TSHB: variants seen among roughly 807,000 people sequenced by gnomAD.
The protein encoded by TSHB is thyroid stimulating hormone subunit beta.
In TSHB, 9 loss-of-function variants were observed where a neutral mutation model predicts 9.3. The observed-to-expected ratio is 0.97, with a 90% confidence interval of 0.58 to 1.69. The LOEUF is 1.69. Among genes scored for constraint, TSHB ranks in the 40% most tolerant of loss-of-function variants. The pLI is 0.00. For synonymous variants in TSHB, 57 were observed against 57.2 expected (o/e 1.00, Z 0.01); for missense variants, 182 against 168.5 (o/e 1.08, Z -0.44).
At position 115,033,378 on chromosome 1, in the gene TSHB, C is replaced by A; in HGVS notation, c.16C>A (p.Leu6Met). 1 of 1,613,372 alleles carries A rather than the reference C, an allele frequency of 6.2e-7. No homozygotes were observed. Among genetic ancestry groups the A allele is most frequent in the Non-Finnish European group, 8.5e-7 (1 of 1,179,482 alleles). The part of the protein sequence containing the change: MTALF[L>M]MSMLFGLTCG... ...TTGATTTAGCATGACTGCTCTCTTT[C>A]TGATGTCCATGCTTTTTGGCCTTAC... The change falls in exon 2 of 3, where the codon CTG (leucine) becomes ATG (methionine). Residue 6 changes from leucine to methionine, a missense_variant. Physicochemically the swap from Leu to Met is conservative, Grantham distance 15 (BLOSUM62 2). Coordinates refer to ENST00000256592, the MANE Select transcript of TSHB (RefSeq NM_000549.5).
Position 115,033,344 on chromosome 1 carries a change from A to ATTTTATCTTTGATT in TSHB, c.-1-16_-1-3dup. ...CTGATTTTAACAAATAGGTTCTTTAATTTTATCTTTGATTTAGCATGACTG... is the reference window on the plus strand; with the variant it reads ...CTGATTTTAACAAATAGGTTCTTTAATTTTATCTTTGATTTTTTATCTTTGATTTAGCATGACTG... On this transcript the variant is annotated splice_polypyrimidine_tract_variant and intron_variant, in intron 1 of 2. Transcript: ENST00000256592. 1 of 1,612,588 alleles carries ATTTTATCTTTGATT rather than the reference A, an allele frequency of 6.2e-7. No homozygotes were observed. The highest frequency in any genetic ancestry group is 8.5e-7 in the Non-Finnish European group (1 of 1,179,126).
At chr1:115,033,921 A>G (rs1466485108) in intron 2 of TSHB, 52 bp from the exon 3 acceptor site, 20 of 1,599,308 alleles carry the variant, frequency 1.3e-5, no homozygotes, top group Non-Finnish European at 1.7e-5. Flanking sequence ...TATTATCTAT[A>G]TGTTTCCTAA....
In TSHB at chr1:115,034,185, TACCAA is replaced by T; in HGVS notation, c.379_383del (p.Lys127SerfsTer15). ...ATGAAGCCATCAAGACAAACTACTG[TACCAA>T]ACCTCAGAAGTCTTATCTGGTAGGA... is the stretch of plus-strand genomic sequence containing the variant. On this transcript the variant is annotated frameshift_variant, in exon 3 of 3. Coordinates refer to ENST00000256592, the MANE Select transcript of TSHB (RefSeq NM_000549.5). LOFTEE classifies it high-confidence loss of function. 1.2e-6 allele frequency: 2 copies of T among 1,613,814 alleles called. No individual in the cohort carries two copies. The highest frequency in any genetic ancestry group is 1.7e-6 in the Non-Finnish European group (2 of 1,179,758).
intron 1 of TSHB, among the ~76,000 whole-genome samples, chr1:115,031,198 T>G (rs1674886996): frequency 6.6e-6 from 1 of 152,058 alleles, no homozygotes; most frequent in Admixed American, 6.6e-5. Context: ...GTTCTTGCTT[T>G]CTTTATGCCC....
chr1:115,030,086 A>G (rs2101006553), intron 1 of TSHB, among the ~76,000 whole-genome samples: 1 of 152,218 alleles, frequency 6.6e-6, no homozygotes, highest in Non-Finnish European at 1.5e-5. Context: ...TTAAAGAAAG[A>G]GAAACAACTG....
intron 1 of TSHB, among the ~76,000 whole-genome samples, chr1:115,032,107 G>A (rs567972556): frequency 7.6e-4 from 116 of 152,024 alleles, no homozygotes; most frequent in African/African-American, 2.6e-3. Flanking sequence ...GTAAAGGACC[G>A]TAGCTTTTCC....
At chr1:115,030,220 A>T (rs1008687587) in intron 1 of TSHB, among the ~76,000 whole-genome samples, 1 of 152,028 alleles carries the variant, frequency 6.6e-6, no homozygotes, top group African/African-American at 2.4e-5. Context: ...ACTAATGGCC[A>T]TCTTTTATGA....
chr1:115,033,578 G>C, intron 2 of TSHB, 54 bp downstream of exon 2: 1 of 1,464,494 alleles, frequency 6.8e-7, no homozygotes, highest in Non-Finnish European at 9.6e-7. Flanking sequence ...CCCTGAAGAA[G>C]TCCATTCCTA....
In TSHB at chr1:115,034,004, A is replaced by G; in HGVS notation, c.194A>G (p.Tyr65Cys). 1 of 1,613,746 alleles carries G rather than the reference A, an allele frequency of 6.2e-7. No homozygotes were observed. The highest frequency in any genetic ancestry group is 8.5e-7 in the Non-Finnish European group (1 of 1,179,742). The change falls in exon 3 of 3, where the codon TAT becomes TGT. Residue 65 changes from tyrosine to cysteine, a missense_variant. Transcript: ENST00000256592. ...AATGGCAAACTGTTTCTTCCCAAAT[A>G]TGCTCTGTCCCAGGATGTTTGCACA... ...DINGKLFLPK[Y>C]ALSQDVCTYR...
chr1:115,033,518 G>T lies in TSHB; in HGVS notation c.156G>T (p.Met52Ile). Residue 52 changes from methionine to isoleucine, a missense_variant, in exon 2 of 3, where the codon ATG becomes ATT. Transcript: ENST00000256592. ...INTTICAGYC[M>I]TRDINGKLFL... ...CCACCATCTGTGCTGGATATTGTAT[G>T]ACACGGGTATGTAGTTCATGTCACT... 6.2e-7 allele frequency: 1 copy of T among 1,612,912 alleles called. No homozygotes were observed. The highest frequency in any genetic ancestry group is 1.1e-5 in the South Asian group (1 of 91,056).
chr1:115,034,029 A>G lies in TSHB; in HGVS notation c.219A>G (p.Thr73=), dbSNP rs1458230566. ...PKYALSQDVC[T]YRDFIYRTVE... The stretch of plus-strand genomic sequence containing the variant: ...ATGCTCTGTCCCAGGATGTTTGCAC[A>G]TATAGAGACTTCATCTACAGGACTG... Residue 73 remains threonine, a synonymous_variant, in exon 3 of 3, where the codon ACA becomes ACG. Coordinates refer to ENST00000256592, the MANE Select transcript of TSHB (RefSeq NM_000549.5). 1 of 1,613,818 alleles carries G rather than the reference A, an allele frequency of 6.2e-7. No homozygotes were observed. Among genetic ancestry groups the G allele is most frequent in the Non-Finnish European group, 8.5e-7 (1 of 1,179,758 alleles).
At chr1:115,033,248 A>C in intron 1 of TSHB, 114 bp from the exon 2 acceptor site, 1 of 955,944 alleles carries the variant, frequency 1.0e-6, no homozygotes, top group Non-Finnish European at 1.6e-6. Flanking sequence ...TGGTAGAATT[A>C]TAAGCATGAT....
chr1:115,033,830 G>A, intron 2 of TSHB, 143 bp from the exon 3 acceptor site: 1 of 1,173,308 alleles, frequency 8.5e-7, no homozygotes, highest in Non-Finnish European at 1.2e-6. Context: ...GGTTAAGTTG[G>A]TATTGGAGAA....
Position 115,034,244 on chromosome 1 carries a change from A to T in TSHB, c.*17A>T. On this transcript the variant is annotated 3_prime_UTR_variant, in exon 3 of 3. Transcript: ENST00000256592. ...TCTGTCTAATAGTGATATAATTTGCAATTTGGTTAAATGTGCTTGCCTGAA... is the reference window on the plus strand; with the variant it reads ...TCTGTCTAATAGTGATATAATTTGCTATTTGGTTAAATGTGCTTGCCTGAA... 1 of 1,612,862 alleles carries T rather than the reference A, an allele frequency of 6.2e-7. No individual in the cohort carries two copies. Among genetic ancestry groups the T allele is most frequent in the Non-Finnish European group, 8.5e-7 (1 of 1,179,028 alleles).
Position 115,033,476 on chromosome 1 carries a change from T to A in TSHB, c.114T>A (p.Tyr38Ter), listed in dbSNP as rs1430418408. ...TMHIERRECA[Y>*]CLTINTTICA... is the part of the protein sequence containing the mutation. ...ACATCGAAAGGAGAGAGTGTGCTTA[T>A]TGCCTAACCATCAACACCACCATCT... The change falls in exon 2 of 3, where the codon TAT becomes TAA. Residue 38 changes from tyrosine to a stop codon, truncating the protein, a stop_gained. Transcript: ENST00000256592. LOFTEE classifies it high-confidence loss of function. 6.2e-7 allele frequency: 1 copy of A among 1,613,290 alleles called. No homozygotes were observed. The highest frequency in any genetic ancestry group is 8.5e-7 in the Non-Finnish European group (1 of 1,179,400).
At position 115,033,446 on chromosome 1, in the gene TSHB, A is replaced by G; in HGVS notation, c.84A>G (p.Thr28=). 1 of 1,613,368 alleles carries G rather than the reference A, an allele frequency of 6.2e-7. No individual in the cohort carries two copies. Among genetic ancestry groups the G allele is most frequent in the Non-Finnish European group, 8.5e-7 (1 of 1,179,358 alleles). The change falls in exon 2 of 3, where the codon ACA becomes ACG. Residue 28 remains threonine (T), a synonymous_variant. Transcript: ENST00000256592. The part of the protein sequence containing the change: ...AMSFCIPTEY[T]MHIERRECAY... ...CTTTTTGTATTCCAACTGAGTATAC[A>G]ATGCACATCGAAAGGAGAGAGTGTG...
rs778884161 is a variant in TSHB, at chr1:115,034,162, G to A, written c.352G>A (p.Glu118Lys). The change falls in exon 3 of 3, where the codon GAA becomes AAA. Residue 118 changes from glutamate to lysine, a missense_variant. Transcript: ENST00000256592. ...CNTDYSDCIH[E>K]AIKTNYCTKP... ...TACTGACTATAGTGACTGCATACAT[G>A]AAGCCATCAAGACAAACTACTGTAC... The A allele has an allele frequency of 6.2e-7, 1 of 1,613,810 alleles. No homozygotes were observed. The highest frequency in any genetic ancestry group is 8.5e-7 in the Non-Finnish European group (1 of 1,179,802).
chr1:115,033,148 C>A (rs557320254), intron 1 of TSHB, among the ~76,000 whole-genome samples: 1 of 151,968 alleles, frequency 6.6e-6, no homozygotes, highest in East Asian at 1.9e-4. Flanking sequence ...TCAGGGGGTT[C>A]CTAGATTTCT....
intron 1 of TSHB, among the ~76,000 whole-genome samples, chr1:115,033,024 G>A (rs1322613251): frequency 8.3e-6 from 1 of 120,180 alleles, no homozygotes; most frequent in Admixed American, 8.7e-5. Flanking sequence ...TTTTTTGCCT[G>A]TTAATCTTTT....
Sources: allele counts gnomAD v4.1 joint callset (sites outside exome capture counted in the v4.1 genomes callset), GRCh38; gene constraint gnomAD v4.1.1; transcripts MANE v1.5; gene names NCBI Gene and HGNC (gene_info 2026-07-23, HGNC 2026-07-21).